Variants in ERC2 observed in about 807,000 individuals in gnomAD.
ERC2 encodes ERC protein 2.
A neutral mutation model predicts 114.8 loss-of-function variants in ERC2; 42 were observed. The ratio of observed to expected loss-of-function variants is 0.37; its 90% CI spans 0.29 to 0.47. The LOEUF (loss-of-function observed/expected upper bound fraction) is 0.47. Ranked by LOEUF, ERC2 falls within the 20% of genes least tolerant of loss-of-function variation. The pLI is 0.99. For synonymous variants in ERC2, 454 were observed against 425.5 expected (o/e 1.07, Z -0.82); for missense variants, 939 against 1,150.7 (o/e 0.82, Z 2.66).
intron 3 of ERC2, among the ~76,000 whole-genome samples, chr3:56,234,230 A>G (rs2050800125): frequency 6.6e-6 from 1 of 152,096 alleles, no homozygotes; most frequent in African/African-American, 2.4e-5. Flanking sequence ...AACTCAATTC[A>G]CTCTTTTCTT....
intron 17 of ERC2, among the ~76,000 whole-genome samples, chr3:55,574,466 G>A (rs892469830): frequency 1.3e-5 from 2 of 152,088 alleles, no homozygotes; most frequent in East Asian, 1.9e-4. Flanking sequence ...TATCCAAGAG[G>A]AAGGACGTGC....
At chr3:55,545,382 G>A (rs2054671528) in intron 17 of ERC2, among the ~76,000 whole-genome samples, 2 of 152,228 alleles carry the variant, frequency 1.3e-5, no homozygotes, top group South Asian at 4.1e-4. Flanking sequence ...GAGCCACCAG[G>A]ACACGCAGTG....
intron 3 of ERC2, among the ~76,000 whole-genome samples, chr3:56,244,058 AT>A (rs1235593101): frequency 6.6e-5 from 10 of 152,178 alleles, no homozygotes; most frequent in Non-Finnish European, 1.5e-4. Context: ...CATATTATAT[AT>A]TAAATATAGA....
intron 7 of ERC2, among the ~76,000 whole-genome samples, chr3:56,021,653 A>G (rs886539522): frequency 2.6e-5 from 4 of 152,100 alleles, no homozygotes; most frequent in Non-Finnish European, 5.9e-5. Flanking sequence ...TTTGTTGTAC[A>G]TAACATTACA....
intron 17 of ERC2, among the ~76,000 whole-genome samples, chr3:55,596,443 G>A (rs2058139516): frequency 6.6e-6 from 1 of 151,926 alleles, no homozygotes; most frequent in South Asian, 2.1e-4. Flanking sequence ...GCTTGGCATG[G>A]TGACATATGC....
At chr3:55,613,947 C>T (rs564515420) in intron 17 of ERC2, among the ~76,000 whole-genome samples, 5 of 136,106 alleles carry the variant, frequency 3.7e-5, no homozygotes, top group African/African-American at 1.4e-4. Context: ...CGTGCCACTA[C>T]ACTCCAGCCT....
rs1187501024 is a variant in ERC2 at position 56,240,698 on chromosome 3, T to A, written c.1074+55321A>T. Among the ~76,000 whole-genome samples the A allele has an allele frequency of 2.0e-5, 3 of 152,212 alleles. No homozygotes were observed. In the East Asian group the frequency reaches 5.8e-4, roughly 29 times the overall value. On this transcript the variant is annotated intron_variant, in intron 3 of 17. Transcript: ENST00000288221. The stretch of plus-strand genomic sequence containing the variant: ...AAAATATGCTTAAAAATGAGTCATT[T>A]AAATATGGAAAACATATCCAGCTAT...
chr3:55,959,051 A>C (rs2068175199), intron 12 of ERC2, among the ~76,000 whole-genome samples: 1 of 151,470 alleles, frequency 6.6e-6, no homozygotes, highest in South Asian at 2.1e-4. Context: ...TGCAGCAGCC[A>C]CTCCAGACGG....
At chr3:55,762,566 T>C (rs1048312423) in intron 14 of ERC2, among the ~76,000 whole-genome samples, 1 of 152,092 alleles carries the variant, frequency 6.6e-6, no homozygotes, top group Non-Finnish European at 1.5e-5. Context: ...TTAAAGGTAA[T>C]ACATATTGTA....
At chr3:55,697,306 G>A (rs979551009) in intron 16 of ERC2, among the ~76,000 whole-genome samples, 3 of 152,200 alleles carry the variant, frequency 2.0e-5, no homozygotes, top group African/African-American at 7.2e-5. Context: ...TCCATGGGTT[G>A]CTTAGAGTGT....
At chr3:55,932,389 C>A (rs2066151745) in intron 13 of ERC2, among the ~76,000 whole-genome samples, 1 of 152,022 alleles carries the variant, frequency 6.6e-6, no homozygotes, top group Non-Finnish European at 1.5e-5. Context: ...ATTTAATGCA[C>A]TTCATCAAAT....
At chr3:55,693,554 A>G (rs2062773029) in intron 16 of ERC2, among the ~76,000 whole-genome samples, 1 of 152,116 alleles carries the variant, frequency 6.6e-6, no homozygotes, top group Non-Finnish European at 1.5e-5. Context: ...GAGAGTTTGC[A>G]ATTGGCACAG....
At chr3:56,148,106 GC>G (rs1019856388) in intron 5 of ERC2, among the ~76,000 whole-genome samples, 3 of 152,098 alleles carry the variant, frequency 2.0e-5, no homozygotes, top group Non-Finnish European at 4.4e-5. Context: ...GGGACTAAGG[GC>G]TTTAAATGAA....
intron 17 of ERC2, among the ~76,000 whole-genome samples, chr3:55,675,899 CTTTCTTTTTTTTTTTTTTT>C: frequency 1.7e-5 from 1 of 58,152 alleles, no homozygotes. Flanking sequence ...TTTCTCTTTT[CTTTCTTTTTTTTTTTTTTT>C]TTTTTTTTTT....
chr3:56,336,296 T>C (rs1251157904), intron 2 of ERC2, among the ~76,000 whole-genome samples: 1 of 152,120 alleles, frequency 6.6e-6, no homozygotes, highest in Non-Finnish European at 1.5e-5. Flanking sequence ...GTCTGACACA[T>C]GGAAAAGTGT....
chr3:55,791,112 C>T (rs1040302704), intron 14 of ERC2, among the ~76,000 whole-genome samples: 52 of 152,238 alleles, frequency 3.4e-4, no homozygotes, highest in African/African-American at 1.1e-3. Context: ...TCATGTAATT[C>T]TTTGTGACTA....
At chr3:55,709,490 G>C (rs528432234) in intron 15 of ERC2, among the ~76,000 whole-genome samples, 1 of 152,148 alleles carries the variant, frequency 6.6e-6, no homozygotes, top group Non-Finnish European at 1.5e-5. Flanking sequence ...AGAAGGGAAG[G>C]GTAAAGCAAA....
intron 17 of ERC2, among the ~76,000 whole-genome samples, chr3:55,660,245 A>G (rs527899804): frequency 6.6e-6 from 1 of 152,264 alleles, no homozygotes; most frequent in East Asian, 1.9e-4. Flanking sequence ...CTCCAGATAA[A>G]ATGTAAGCAA....
At chr3:55,682,852 T>C (rs2062125622) in intron 17 of ERC2, among the ~76,000 whole-genome samples, 1 of 152,190 alleles carries the variant, frequency 6.6e-6, no homozygotes, top group Non-Finnish European at 1.5e-5. Flanking sequence ...CCATATTCCA[T>C]GTAACCATGT....
Sources: gnomAD v4.1 joint callset for allele counts (sites outside exome capture counted in the v4.1 genomes callset) on GRCh38, gnomAD v4.1.1 for gene constraint, MANE v1.5 for transcripts, NCBI Gene and HGNC (gene_info 2026-07-23, HGNC 2026-07-21) for gene names.